DAB1: variants seen among roughly 807,000 people sequenced by gnomAD.
DAB1 encodes the protein DAB adaptor protein 1.
A neutral mutation model predicts 64.6 loss-of-function variants in DAB1; 15 were observed. The ratio of observed to expected loss-of-function variants is 0.23; its 90% confidence interval spans 0.16 to 0.36. The LOEUF is 0.36. Ranked by LOEUF, DAB1 falls within the 10% of genes least tolerant of loss-of-function variation. The pLI, the probability that DAB1 is intolerant of heterozygous loss-of-function variation, is 1.00. For missense variants in DAB1, 596 were observed against 706.7 expected (o/e 0.84, Z 1.78); for synonymous variants, 235 against 251.9 (o/e 0.93, Z 0.64).
intron 7 of DAB1, among the ~76,000 whole-genome samples, chr1:57,488,300 G>A (rs1644118283): frequency 6.6e-6 from 1 of 151,594 alleles, no homozygotes; most frequent in Non-Finnish European, 1.5e-5. Context: ...TACTCAGGAG[G>A]CTGAGGCAGA....
At chr1:58,452,471 G>T (rs1003248306) in intron 3 of DAB1, among the ~76,000 whole-genome samples, 1 of 151,782 alleles carries the variant, frequency 6.6e-6, no homozygotes, top group African/African-American at 2.4e-5. Context: ...ACTGCTGGTG[G>T]AAATGCAACA....
chr1:58,298,056 G>GACA (rs1235080873), intron 4 of DAB1, among the ~76,000 whole-genome samples: 2 of 152,146 alleles, frequency 1.3e-5, no homozygotes, highest in Admixed American at 6.5e-5. Context: ...ATTATATATT[G>GACA]ACAACATTTT....
chr1:58,427,418 T>A, intron 3 of DAB1, among the ~76,000 whole-genome samples: 1 of 152,100 alleles, frequency 6.6e-6, no homozygotes, highest in East Asian at 1.9e-4. Flanking sequence ...ACCAAGGCTG[T>A]TTACTGAGAA....
intron 2 of DAB1, among the ~76,000 whole-genome samples, chr1:57,240,485 A>C (rs1668417909): frequency 6.6e-6 from 1 of 152,286 alleles, no homozygotes; most frequent in African/African-American, 2.4e-5. Context: ...GTCTAGACAT[A>C]CCAATACTAA....
chr1:58,153,933 G>T (rs1023389964), intron 4 of DAB1, among the ~76,000 whole-genome samples: 5 of 150,510 alleles, frequency 3.3e-5, no homozygotes, highest in Non-Finnish European at 7.4e-5. Context: ...CAAAACTACT[G>T]TACCTTGTGT....
intron 1 of DAB1, among the ~76,000 whole-genome samples, chr1:57,832,832 C>T (rs758734341): frequency 1.3e-5 from 2 of 152,008 alleles, no homozygotes; most frequent in Non-Finnish European, 2.9e-5. Context: ...GCTCAGATGC[C>T]TGGGCATTTT....
chr1:57,416,384 C>T (rs1684495372), intron 1 of DAB1, among the ~76,000 whole-genome samples: 1 of 152,132 alleles, frequency 6.6e-6, no homozygotes, highest in South Asian at 2.1e-4. Flanking sequence ...ACTTTCAATG[C>T]ATTTCATGTC....
chr1:57,256,631 G>T (rs1386404061), intron 2 of DAB1, among the ~76,000 whole-genome samples: 2 of 152,210 alleles, frequency 1.3e-5, no homozygotes, highest in Non-Finnish European at 2.9e-5. Context: ...GATCTCTTTG[G>T]ATTCTGACCT....
At chr1:57,312,545 G>T (rs886984699) in intron 1 of DAB1, among the ~76,000 whole-genome samples, 17 of 152,228 alleles carry the variant, frequency 1.1e-4, no homozygotes, top group Non-Finnish European at 2.4e-4. Context: ...CTCAGGCAAA[G>T]GTAGTAAGTG....
chr1:57,378,693 A>G (rs983316802), intron 1 of DAB1, among the ~76,000 whole-genome samples: 4 of 152,198 alleles, frequency 2.6e-5, no homozygotes, highest in African/African-American at 9.6e-5. Context: ...AAACCACAAC[A>G]TATGCCTTTG....
At chr1:57,641,379 G>GTTT (rs34105483) in intron 7 of DAB1, among the ~76,000 whole-genome samples, 1,251 of 109,706 alleles carry the variant, frequency 0.011, 13 homozygotes, top group Non-Finnish European at 0.013. Flanking sequence ...TTTTTTGTTG[G>GTTT]TTTTTTTTTT....
chr1:57,187,840 A>G (rs1382514896), intron 2 of DAB1, among the ~76,000 whole-genome samples: 1 of 152,006 alleles, frequency 6.6e-6, no homozygotes, highest in Non-Finnish European at 1.5e-5. Flanking sequence ...TGAAAGAGAG[A>G]GAGAGAGAGA....
chr1:58,217,378 G>C (rs1658912863), intron 4 of DAB1, among the ~76,000 whole-genome samples: 1 of 152,206 alleles, frequency 6.6e-6, no homozygotes, highest in African/African-American at 2.4e-5. Flanking sequence ...CTGCAGAGTA[G>C]AGTGACAGGA....
chr1:58,529,351 A>C (rs1646398244), intron 1 of DAB1, among the ~76,000 whole-genome samples: 1 of 152,236 alleles, frequency 6.6e-6, no homozygotes, highest in African/African-American at 2.4e-5. Context: ...ACAAGAGGAA[A>C]TATTCAAAGA....
chr1:58,081,394 T>C lies in DAB1; in HGVS notation n.387+69117A>G, dbSNP rs146145218. 1.4e-3 allele frequency among the ~76,000 whole-genome samples: 217 copies of C among 152,350 alleles called. 1 individual carries two copies. Among genetic ancestry groups the C allele is most frequent in the African/African-American group, 5.1e-3 (212 of 41,584 alleles). On this transcript the variant is annotated intron_variant and non_coding_transcript_variant, in intron 5 of 20. Transcript: ENST00000485760. ...TGTGTACCTCTCAGTTCATCTGTCA[T>C]CTGGGGCTTCTTCTCTACACTAGCC...
chr1:57,453,757 A>C (rs1337388811), intron 7 of DAB1, among the ~76,000 whole-genome samples: 4 of 152,222 alleles, frequency 2.6e-5, no homozygotes, highest in Non-Finnish European at 5.9e-5. Flanking sequence ...CATTAATTAC[A>C]ACCTAAGATG....
At chr1:58,035,302 C>T (rs1051482294) in intron 5 of DAB1, among the ~76,000 whole-genome samples, 1 of 152,214 alleles carries the variant, frequency 6.6e-6, no homozygotes, top group Non-Finnish European at 1.5e-5. Flanking sequence ...AGAGCTATGC[C>T]CAACGGGCCC....
chr1:57,731,804 CA>C (rs34262128), intron 6 of DAB1, among the ~76,000 whole-genome samples: 27 of 147,742 alleles, frequency 1.8e-4, no homozygotes, highest in Non-Finnish European at 2.1e-4. Context: ...GATGCTGTCT[CA>C]AAAAAAAAAT....
chr1:58,115,076 G>A (rs551412088), intron 5 of DAB1, among the ~76,000 whole-genome samples: 450 of 144,612 alleles, frequency 3.1e-3, no homozygotes, highest in African/African-American at 0.011. Context: ...GAAAATTTTC[G>A]CAACCTACTC....
Sources: allele counts gnomAD v4.1 joint callset (sites outside exome capture counted in the v4.1 genomes callset), GRCh38; gene constraint gnomAD v4.1.1; transcripts MANE v1.5; gene names NCBI Gene and HGNC (gene_info 2026-07-23, HGNC 2026-07-21).